ANKRD6: variants seen among roughly 807,000 people sequenced by gnomAD.
ANKRD6 encodes the protein ankyrin repeat domain 6, also known as ankyrin repeat domain-containing protein 6.
ANKRD6 carries 56 observed loss-of-function variants against 82.3 expected under a neutral mutation model. The ratio of observed to expected loss-of-function variants is 0.68; its 90% CI spans 0.55 to 0.85. ANKRD6 has a LOEUF of 0.85. ANKRD6 is among the 40% of genes least tolerant of loss of function. The pLI is 0.00. For synonymous variants in ANKRD6, 347 were observed against 352.1 expected (o/e 0.99, Z 0.16); for missense variants, 852 against 907.6 (o/e 0.94, Z 0.79).
At chr6:89,584,050 G>A (rs1793184596) in intron 2 of ANKRD6, among the ~76,000 whole-genome samples, 1 of 152,194 alleles carries the variant, frequency 6.6e-6, no homozygotes, top group South Asian at 2.1e-4. Flanking sequence ...CCCAGATTAT[G>A]TGCTAGTAAA....
chr6:89,524,195 G>A (rs953641128), intron 1 of ANKRD6, among the ~76,000 whole-genome samples: 1 of 151,956 alleles, frequency 6.6e-6, no homozygotes. Context: ...AACAGGTGGT[G>A]TTTGGTTACA....
intron 1 of ANKRD6, among the ~76,000 whole-genome samples, chr6:89,454,134 G>A (rs1270956924): frequency 1.3e-5 from 2 of 152,050 alleles, no homozygotes; most frequent in African/African-American, 4.8e-5. Flanking sequence ...TTTTGCTGGT[G>A]TCATTTCTTC....
At position 89,630,556 on chromosome 6, in the gene ANKRD6, C is replaced by T. The variant is rs750495083; in HGVS notation, c.1736C>T (p.Ser579Leu). Residue 579 changes from serine (S) to leucine (L), a missense_variant, in exon 16 of 16, where the codon TCG becomes TTG. Ser to Leu is a moderately radical substitution (Grantham distance 145). Transcript: ENST00000339746. Reference sequence around the variant, plus strand: ...ACCCAGAGACTCCAGCAGGAGCTGTCGTCTTCTGACTGTACAGGCTCCCGA... The same window carrying T: ...ACCCAGAGACTCCAGCAGGAGCTGTTGTCTTCTGACTGTACAGGCTCCCGA... ...TATQRLQQELSSSDCTGSRLR... is the reference protein window; with the variant it reads ...TATQRLQQELLSSDCTGSRLR... The T allele has an allele frequency of 1.2e-6, 2 of 1,613,896 alleles. No individual in the cohort carries two copies. The highest frequency in any genetic ancestry group is 1.1e-5 in the South Asian group (1 of 91,064).
intron 4 of ANKRD6, among the ~76,000 whole-genome samples, chr6:89,604,675 C>G (rs147628650): frequency 1.3e-5 from 2 of 152,276 alleles, no homozygotes; most frequent in Admixed American, 1.3e-4. Flanking sequence ...TACCCTGTGC[C>G]CCCTGCCCCT....
At chr6:89,617,749 CT>C (rs1308644910) in intron 8 of ANKRD6, among the ~76,000 whole-genome samples, 1 of 152,234 alleles carries the variant, frequency 6.6e-6, no homozygotes, top group Non-Finnish European at 1.5e-5. Flanking sequence ...CTTAGCGTGT[CT>C]TCCAGTGTGA....
intron 1 of ANKRD6, among the ~76,000 whole-genome samples, chr6:89,534,136 T>G (rs546083589): frequency 5.7e-4 from 87 of 152,352 alleles, no homozygotes; most frequent in African/African-American, 2.0e-3. Flanking sequence ...TAAATTTAGC[T>G]CTGCTGTAAA....
intron 1 of ANKRD6, among the ~76,000 whole-genome samples, chr6:89,462,602 T>A (rs909615333): frequency 1.2e-4 from 19 of 152,206 alleles, no homozygotes; most frequent in Non-Finnish European, 2.9e-5. Context: ...ACCAGTACCA[T>A]TTTAAGTCCT....
In ANKRD6 at chr6:89,433,761, G is replaced by C. The variant is rs1770262840; in HGVS notation, c.-144+386G>C. ...GCGGTCTGCGGCGCGTAGGAGGGTA[G>C]GTCCCTGGCCTGCGGCCGCCTCCGA... is the stretch of plus-strand genomic sequence containing the variant. On this transcript the variant is annotated intron_variant, in intron 1 of 15. Coordinates refer to ENST00000339746, the MANE Select transcript of ANKRD6 (RefSeq NM_001242809.2). The surrounding 1 kb of genome is among the most constrained non-coding windows in gnomAD (Gnocchi z 4.3). 6.6e-6 allele frequency among the ~76,000 whole-genome samples: 1 copy of C among 152,226 alleles called. No homozygotes were observed. Among genetic ancestry groups the C allele is most frequent in the African/African-American group, 2.4e-5 (1 of 41,466 alleles).
rs557426324 is a variant in ANKRD6, at chr6:89,576,707, T to A, written c.120+9611T>A. Among the ~76,000 whole-genome samples, 4 of 152,202 alleles carry A rather than the reference T, an allele frequency of 2.6e-5. No individual in the cohort carries two copies. The South Asian group carries it at 8.3e-4, about 32-fold the overall frequency. On this transcript the variant is annotated intron_variant, in intron 2 of 15. Transcript: ENST00000339746. ...TCCTATCCCTGAAGCTCCCGTTGGGTCTGTCAGCTCTGCCTCCTGGTTTTC... is the reference window on the plus strand; with the variant it reads ...TCCTATCCCTGAAGCTCCCGTTGGGACTGTCAGCTCTGCCTCCTGGTTTTC...
intron 2 of ANKRD6, 116 bp downstream of exon 2, chr6:89,567,212 A>G: frequency 7.2e-7 from 1 of 1,393,948 alleles, no homozygotes; most frequent in Non-Finnish European, 9.6e-7. Context: ...CTTTTCTTCC[A>G]ATGATGGAGG....
intron 1 of ANKRD6, among the ~76,000 whole-genome samples, chr6:89,551,512 T>TG: frequency 6.6e-6 from 1 of 152,254 alleles, no homozygotes; most frequent in Non-Finnish European, 1.5e-5. Context: ...AGAAGGTCTG[T>TG]GGATTTTCCC....
rs1807356933 is a variant in ANKRD6 at position 89,631,368 on chromosome 6, AGAAAAACGTAATCCC to A, written c.*366_*380del. The A allele has an allele frequency of 1.2e-5, 2 of 168,442 alleles. 1 individual carries two copies. The highest frequency in any genetic ancestry group is 1.2e-4 in the Admixed American group (2 of 17,126). The allele number at this position is 168,442 out of a possible 1,614,324, so 10.4% of individuals were successfully genotyped here. A position where few individuals can be genotyped will look rare whatever the true frequency, so the allele number is the denominator to read the frequency against. ...TGTGAAATAATATAAGTCAAAAGCA[AGAAAAACGTAATCCC>A]GTCTGAACTCAAGTAGTCATTCATA... On this transcript the variant is annotated 3_prime_UTR_variant, in exon 16 of 16. Coordinates refer to ENST00000339746, the MANE Select transcript of ANKRD6 (RefSeq NM_001242809.2).
At chr6:89,629,338 G>A (rs1563173202) in intron 15 of ANKRD6, 100 bp downstream of exon 15, 10 of 1,530,314 alleles carry the variant, frequency 6.5e-6, no homozygotes, top group Non-Finnish European at 8.0e-6. Context: ...AGGGCTGTGG[G>A]AAACACTGGA....
Position 89,596,011 on chromosome 6 carries a change from T to C in ANKRD6, c.216T>C (p.Asp72=), listed in dbSNP as rs536765962. ...LKAGCDLDVQ[D]DGDQTALHRA... is the part of the protein sequence containing the mutation. The stretch of plus-strand genomic sequence containing the variant: ...CTGGCTGCGACCTTGATGTCCAGGA[T>C]GATGTGAGTAGAAGCCATCATTCTA... The change falls in exon 3 of 16, where the codon GAT becomes GAC. Residue 72 remains aspartate, a synonymous_variant. Coordinates refer to ENST00000339746, the MANE Select transcript of ANKRD6 (RefSeq NM_001242809.2). The C allele has an allele frequency of 7.5e-6, 12 of 1,605,906 alleles. No homozygotes were observed. The highest frequency in any genetic ancestry group is 9.4e-6 in the Non-Finnish European group (11 of 1,176,254).
At chr6:89,525,018 G>A (rs1050255238) in intron 1 of ANKRD6, among the ~76,000 whole-genome samples, 1 of 151,898 alleles carries the variant, frequency 6.6e-6, no homozygotes, top group Non-Finnish European at 1.5e-5. Context: ...AATTAGGCTG[G>A]GTGTGGTGGT....
At chr6:89,616,430 G>A in intron 7 of ANKRD6, 129 bp from the exon 8 acceptor site, 1 of 756,908 alleles carries the variant, frequency 1.3e-6, no homozygotes, top group Non-Finnish European at 2.2e-6. Flanking sequence ...CTTTAACAAA[G>A]GGCCCCATTT....
chr6:89,436,991 C>G (rs1452304172), intron 1 of ANKRD6, among the ~76,000 whole-genome samples: 1 of 152,144 alleles, frequency 6.6e-6, no homozygotes, highest in Non-Finnish European at 1.5e-5. Context: ...AAATTTGTCA[C>G]TAAAATAAGA....
At chr6:89,488,769 C>T (rs1048458842) in intron 1 of ANKRD6, among the ~76,000 whole-genome samples, 1 of 152,188 alleles carries the variant, frequency 6.6e-6, no homozygotes, top group African/African-American at 2.4e-5. Context: ...AAACTTTTAA[C>T]TGTGACCCAC....
chr6:89,444,446 G>A (rs1007719394), intron 1 of ANKRD6, among the ~76,000 whole-genome samples: 3 of 152,178 alleles, frequency 2.0e-5, no homozygotes, highest in Admixed American at 6.5e-5. Context: ...TAGAAGCACT[G>A]TTTTAAAACT....
Sources: gnomAD v4.1 joint callset for allele counts (sites outside exome capture counted in the v4.1 genomes callset) on GRCh38, gnomAD v4.1.1 for gene constraint, Gnocchi (gnomAD v3.1) non-coding constraint, MANE v1.5 for transcripts, NCBI Gene and HGNC (gene_info 2026-07-23, HGNC 2026-07-21) for gene names.